Variants in BOK observed in about 807,000 individuals in gnomAD.
The protein encoded by BOK is BCL2 family apoptosis regulator BOK, also known as bcl-2-related ovarian killer protein.
A neutral mutation model predicts 18.3 loss-of-function variants in BOK; 20 were observed. The observed-to-expected ratio is 1.09, with a 90% CI of 0.77 to 1.59. BOK has a LOEUF of 1.59. BOK is among the 40% of genes most tolerant of loss of function. BOK has a pLI of 0.00. For synonymous variants in BOK, 173 were observed against 142.4 expected (o/e 1.21, Z -1.53); for missense variants, 348 against 307.9 (o/e 1.13, Z -0.97).
intron 3 of BOK, among the ~76,000 whole-genome samples, chr2:241,568,678 A>G (rs2066655673): frequency 6.6e-6 from 1 of 152,146 alleles, no homozygotes; most frequent in Non-Finnish European, 1.5e-5. Context: ...TCGGCCTTCC[A>G]AGGTGCTGGG....
At chr2:241,560,068 C>T (rs1248066358) in intron 2 of BOK, 1 of 985,246 alleles carries the variant, frequency 1.0e-6, no homozygotes, top group East Asian at 1.1e-4. Flanking sequence ...TTTTGGAAAA[C>T]AGATTCTTGC....
At chr2:241,571,353 T>C (rs1417765678) in intron 4 of BOK, among the ~76,000 whole-genome samples, 6 of 147,632 alleles carry the variant, frequency 4.1e-5, no homozygotes, top group Admixed American at 1.3e-4. Context: ...GTGGCTCCCC[T>C]GCCGAGAGTC....
At chr2:241,558,054 G>GACAGACAC (rs2066467944), upstream of BOK, among the ~76,000 whole-genome samples, 3 of 143,358 alleles carry the variant, frequency 2.1e-5, no homozygotes, top group African/African-American at 7.9e-5. Context: ...AGAGTTCCGA[G>GACAGACAC]ACACACACAC....
chr2:241,565,830 A>G (rs1292499304), intron 3 of BOK, among the ~76,000 whole-genome samples: 6 of 152,222 alleles, frequency 3.9e-5, no homozygotes, highest in Non-Finnish European at 8.8e-5. Context: ...GTTCCTGCTC[A>G]GGACTTTGGA....
intron 3 of BOK, among the ~76,000 whole-genome samples, chr2:241,568,500 C>T (rs530688651): frequency 6.6e-6 from 1 of 152,146 alleles, no homozygotes; most frequent in Admixed American, 6.5e-5. Flanking sequence ...TCACTGAAAC[C>T]TCCACCTCCT....
upstream of BOK, among the ~76,000 whole-genome samples, chr2:241,557,852 T>A (rs1000510401): frequency 6.6e-6 from 1 of 152,216 alleles, no homozygotes; most frequent in Admixed American, 6.5e-5. Context: ...CTGTAAGATT[T>A]CAATCCGTTG....
chr2:241,560,781 G>A (rs1480463768), intron 2 of BOK, among the ~76,000 whole-genome samples: 2 of 152,146 alleles, frequency 1.3e-5, no homozygotes, highest in African/African-American at 4.8e-5. Context: ...ATGACCCTAG[G>A]GGATCCTTTT....
At chr2:241,553,208 T>C (rs966121553) in intron 1 of BOK, among the ~76,000 whole-genome samples, 13 of 151,986 alleles carry the variant, frequency 8.6e-5, no homozygotes, top group African/African-American at 2.7e-4. Context: ...TGCAGTGCAG[T>C]GGCACGATCT....
At chr2:241,563,780 G>A (rs1250041864) in intron 3 of BOK, among the ~76,000 whole-genome samples, 2 of 152,244 alleles carry the variant, frequency 1.3e-5, no homozygotes, top group Admixed American at 6.5e-5. Flanking sequence ...CCACACCCTC[G>A]CTGTGGGAGA....
At chr2:241,564,843 AG>A (rs1490950110) in intron 3 of BOK, among the ~76,000 whole-genome samples, 1 of 152,200 alleles carries the variant, frequency 6.6e-6, no homozygotes, top group South Asian at 2.1e-4. Flanking sequence ...TGGCTTTAAA[AG>A]GAACAGTCAT....
At chr2:241,553,304 C>T (rs1166821390) in intron 1 of BOK, among the ~76,000 whole-genome samples, 4 of 152,120 alleles carry the variant, frequency 2.6e-5, no homozygotes, top group Non-Finnish European at 5.9e-5. Context: ...GTGCCCGCTA[C>T]CACACCCAGC....
rs2066744698 is a variant in BOK, at chr2:241,572,746, A to G, written c.*324A>G. The G allele has an allele frequency of 2.6e-6, 1 of 384,030 alleles. No homozygotes were observed. The highest frequency in any genetic ancestry group is 4.9e-6 in the Non-Finnish European group (1 of 203,410). 23.8% of individuals were successfully genotyped at this position (384,030 alleles called of 1,614,324 possible). ...CCAGGCCTCAGATGCAGGGGCCCAG[A>G]ACACCTGCTCTCACCTGAGCCCCAG... is the stretch of plus-strand genomic sequence containing the variant. On this transcript the variant is annotated 3_prime_UTR_variant, in exon 5 of 5. Transcript: ENST00000318407.
At chr2:241,557,115 C>A (rs764250187), upstream of BOK, among the ~76,000 whole-genome samples, 4 of 152,034 alleles carry the variant, frequency 2.6e-5, no homozygotes. Context: ...CTTACTCAAT[C>A]TTTCTGGGGA....
intron 4 of BOK, 103 bp from the exon 5 acceptor site, chr2:241,572,194 C>A: frequency 6.6e-7 from 1 of 1,513,250 alleles, no homozygotes; most frequent in South Asian, 1.2e-5. Context: ...TCCCTTCATG[C>A]AATTTTGCTG....
At chr2:241,570,379 C>T (rs1231044310) in intron 4 of BOK, 91 bp downstream of exon 4, 38 of 1,031,216 alleles carry the variant, frequency 3.7e-5, no homozygotes, top group African/African-American at 3.7e-4. Context: ...AGCCTCTGAG[C>T]GCCTGGGGGG....
chr2:241,559,462 G>T lies in BOK; in HGVS notation c.-22G>T. 1 of 1,432,236 alleles carries T rather than the reference G, an allele frequency of 7.0e-7. No homozygotes were observed. The highest frequency in any genetic ancestry group is 9.1e-7 in the Non-Finnish European group (1 of 1,096,176). The allele number at this position is 1,432,236 out of a possible 1,614,324, so 88.7% of individuals were successfully genotyped here. A position where few individuals can be genotyped will look rare whatever the true frequency, so the allele number is the denominator to read the frequency against. ...GAGCGCTTGTGCCCGCAGGTGCGGC[G>T]CCCCCCACCCGCGTCGCCGCCATGG... On this transcript the variant is annotated 5_prime_UTR_variant, in exon 2 of 5. Coordinates refer to ENST00000318407, the MANE Select transcript of BOK (RefSeq NM_032515.5).
At chr2:241,558,662 T>C (rs529372360), upstream of BOK, 4 of 152,422 alleles carry the variant, frequency 2.6e-5, no homozygotes, top group Admixed American at 1.3e-4. Context: ...CGGTCCTCCT[T>C]AAGCGGGGAA....
chr2:241,557,289 A>AATTTTATTT (rs1278301893), upstream of BOK, among the ~76,000 whole-genome samples: 7 of 145,978 alleles, frequency 4.8e-5, no homozygotes, highest in Admixed American at 1.4e-4. Flanking sequence ...TTAGAGCAGT[A>AATTTTATTT]ATTTTATTTT....
At chr2:241,559,209 G>A (rs1389555268) in intron 1 of BOK, among the ~76,000 whole-genome samples, 9 of 151,580 alleles carry the variant, frequency 5.9e-5, no homozygotes, top group Non-Finnish European at 1.3e-4. Context: ...GGGCCCGGCG[G>A]CCCCGGAGCA....
Sources: gnomAD v4.1 joint callset for allele counts (sites outside exome capture counted in the v4.1 genomes callset) on GRCh38, gnomAD v4.1.1 for gene constraint, MANE v1.5 for transcripts, NCBI Gene and HGNC (gene_info 2026-07-23, HGNC 2026-07-21) for gene names.